GALNT13: variants seen among roughly 807,000 people sequenced by gnomAD.
The protein encoded by GALNT13 is polypeptide N-acetylgalactosaminyltransferase 13.
In GALNT13, 28 loss-of-function variants were observed where a neutral mutation model predicts 64.2. That is an observed-to-expected ratio of 0.44 (90% CI 0.32 to 0.60). The LOEUF is 0.60. Ranked by LOEUF, GALNT13 falls within the 20% of genes least tolerant of loss-of-function variation. The pLI is 0.05. For synonymous variants in GALNT13, 214 were observed against 224.6 expected (o/e 0.95, Z 0.42); for missense variants, 577 against 669.8 (o/e 0.86, Z 1.53).
chr2:153,708,715 A>G, the GALNT13 span, among the ~76,000 whole-genome samples: 4 of 152,288 alleles, frequency 2.6e-5, no homozygotes, highest in East Asian at 3.9e-4. Context: ...TGGAGGCATC[A>G]CACAACCTGA....
the GALNT13 span, among the ~76,000 whole-genome samples, chr2:153,724,321 CT>C: frequency 1.6e-5 from 2 of 122,612 alleles, 1 homozygote; most frequent in African/African-American, 8.5e-5. Flanking sequence ...GGATTAAAGA[CT>C]TAAACGTTAG....
chr2:153,604,574 G>T, the GALNT13 span, among the ~76,000 whole-genome samples: 26 of 151,928 alleles, frequency 1.7e-4, no homozygotes, highest in Non-Finnish European at 2.8e-4. Context: ...AGATAAACCT[G>T]CTGGAAAATA....
rs1335748701 is a variant in GALNT13, at chr2:153,884,450, G to T, written c.-177+12147G>T. Among the ~76,000 whole-genome samples, 5 of 151,866 alleles carry T rather than the reference G, an allele frequency of 3.3e-5. No individual in the cohort carries two copies. In the East Asian group the frequency reaches 9.8e-4, roughly 30 times the overall value. ...CCTCTGGGGAGAGGAACTGGTTGGG[G>T]TTGAGGGGGTTTACTATATAAAGAA... is the stretch of plus-strand genomic sequence containing the variant. On this transcript the variant is annotated intron_variant, in intron 1 of 12. Coordinates refer to ENST00000392825, the MANE Select transcript of GALNT13 (RefSeq NM_052917.4).
At chr2:154,144,130 A>G (rs1434137101) in intron 4 of GALNT13, among the ~76,000 whole-genome samples, 1 of 152,110 alleles carries the variant, frequency 6.6e-6, no homozygotes, top group East Asian at 1.9e-4. Context: ...TTATTTTTAT[A>G]TAAAACTACA....
At chr2:153,764,140 T>C in the GALNT13 span, among the ~76,000 whole-genome samples, 45 of 152,120 alleles carry the variant, frequency 3.0e-4, no homozygotes, top group Non-Finnish European at 1.8e-4. Flanking sequence ...TGCGTAGAGA[T>C]TGGCATCATT....
At chr2:153,595,134 T>G in the GALNT13 span, among the ~76,000 whole-genome samples, 9 of 152,034 alleles carry the variant, frequency 5.9e-5, no homozygotes, top group Admixed American at 1.3e-4. Context: ...AATGTACTTT[T>G]TTTGTAGTAT....
At chr2:154,025,847 G>C (rs1463044416) in intron 3 of GALNT13, among the ~76,000 whole-genome samples, 1 of 151,926 alleles carries the variant, frequency 6.6e-6, no homozygotes, top group Non-Finnish European at 1.5e-5. Flanking sequence ...CTACTTCCTA[G>C]GGGGTAACTG....
chr2:153,294,538 G>A, the GALNT13 span, among the ~76,000 whole-genome samples: 575 of 152,224 alleles, frequency 3.8e-3, 6 homozygotes, highest in African/African-American at 0.013. Context: ...TTTCCAAGGG[G>A]TTGTGCACTG....
chr2:154,382,727 G>A (rs13020874), intron 9 of GALNT13, among the ~76,000 whole-genome samples: 17,432 of 151,712 alleles, frequency 0.11, 1,057 homozygotes, highest in Non-Finnish European at 0.14. Context: ...TGACAGTTGA[G>A]GCCATGAATA....
chr2:153,339,598 A>G, the GALNT13 span, among the ~76,000 whole-genome samples: 100 of 152,212 alleles, frequency 6.6e-4, 1 homozygote, highest in African/African-American at 2.3e-3. Flanking sequence ...TCATTGCTGT[A>G]TAGAGGTGTT....
At chr2:153,834,387 A>G in the GALNT13 span, among the ~76,000 whole-genome samples, 1 of 152,186 alleles carries the variant, frequency 6.6e-6, no homozygotes, top group Non-Finnish European at 1.5e-5. Flanking sequence ...ATAAAGACAA[A>G]GATAAAAGCC....
In GALNT13 at chr2:153,884,766, A is replaced by AATATATATATATATATATATATATAT. The variant is rs372541314; in HGVS notation, c.-177+12483_-177+12484insATATATATATATATATATATATATAT. On this transcript the variant is annotated intron_variant, in intron 1 of 12. Coordinates refer to ENST00000392825, the MANE Select transcript of GALNT13 (RefSeq NM_052917.4). ...AAACCCAGTCTGTACTAAAAATACG[A>AATATATATATATATATATATATATAT]ATATATATATATATATATATGTGTG... is the stretch of plus-strand genomic sequence containing the variant. Among the ~76,000 whole-genome samples, 122 of 116,264 alleles carry AATATATATATATATATATATATATAT rather than the reference A, an allele frequency of 1.0e-3. 1 individual carries two copies. Among genetic ancestry groups the AATATATATATATATATATATATATAT allele is most frequent in the South Asian group, 3.7e-3 (11 of 3,002 alleles). 76.3% of individuals were successfully genotyped at this position (116,264 alleles called of 152,430 possible). A position where few individuals can be genotyped will look rare whatever the true frequency, so the allele number is the denominator to read the frequency against.
the GALNT13 span, among the ~76,000 whole-genome samples, chr2:153,270,888 TA>T: frequency 1.3e-5 from 2 of 151,858 alleles, no homozygotes; most frequent in Non-Finnish European, 2.9e-5. Context: ...TTGTGATTGT[TA>T]AAAAGTAGCA....
chr2:153,476,143 A>T, the GALNT13 span, among the ~76,000 whole-genome samples: 1,502 of 152,356 alleles, frequency 9.9e-3, 7 homozygotes, highest in Non-Finnish European at 0.016. Context: ...GATATCCATT[A>T]GAATTCAAAA....
At chr2:153,899,127 C>T (rs886514718) in intron 1 of GALNT13, among the ~76,000 whole-genome samples, 3 of 152,052 alleles carry the variant, frequency 2.0e-5, no homozygotes, top group African/African-American at 4.8e-5. Context: ...GTGGGACAAA[C>T]GAAATGTATC....
chr2:153,289,579 G>A, the GALNT13 span, among the ~76,000 whole-genome samples: 2 of 152,126 alleles, frequency 1.3e-5, no homozygotes, highest in African/African-American at 2.4e-5. Context: ...TTGTGTATCA[G>A]TCCACTCTCA....
chr2:154,247,429 C>A (rs1689838953), intron 7 of GALNT13, among the ~76,000 whole-genome samples: 1 of 151,932 alleles, frequency 6.6e-6, no homozygotes, highest in South Asian at 2.1e-4. Flanking sequence ...TTGACCAATA[C>A]ACTTACATAT....
At chr2:153,534,400 G>A in the GALNT13 span, among the ~76,000 whole-genome samples, 5 of 151,888 alleles carry the variant, frequency 3.3e-5, no homozygotes, top group Admixed American at 6.6e-5. Context: ...GTGTTTCTCC[G>A]ATTTGTTTCT....
intron 7 of GALNT13, among the ~76,000 whole-genome samples, chr2:154,247,144 T>A (rs76516037): frequency 0.018 from 2,790 of 152,164 alleles, 101 homozygotes; most frequent in African/African-American, 0.064. Flanking sequence ...AAAGAAGATC[T>A]GTTACATCAA....
Sources: gnomAD v4.1 joint callset for allele counts (sites outside exome capture counted in the v4.1 genomes callset) on GRCh38, gnomAD v4.1.1 for gene constraint, MANE v1.5 for transcripts, NCBI Gene and HGNC (gene_info 2026-07-23, HGNC 2026-07-21) for gene names.